The following KDM3A variants were observed in gnomAD, a reference collection of about 807,000 sequenced individuals.
The protein encoded by KDM3A is lysine demethylase 3A, also known as lysine-specific demethylase 3A.
In KDM3A, 60 loss-of-function variants were observed where a neutral mutation model predicts 158.0. The ratio of observed to expected loss-of-function variants is 0.38; its 90% confidence interval spans 0.31 to 0.47. KDM3A has a LOEUF of 0.47. Among genes scored for constraint, KDM3A ranks in the 20% least tolerant of loss-of-function variants. The probability of loss-of-function intolerance (pLI) is 0.99; values close to 1 mark genes in which losing one functional copy is unlikely to be tolerated. For missense variants in KDM3A, 1,319 were observed against 1,574.3 expected (o/e 0.84, Z 2.74); for synonymous variants, 608 against 549.3 (o/e 1.11, Z -1.49).
At chr2:86,474,661 C>A in intron 11 of KDM3A, 115 bp from the exon 12 acceptor site, 1 of 676,930 alleles carries the variant, frequency 1.5e-6, no homozygotes. Context: ...GAGACTCCAT[C>A]CCAAAAAAAA....
chr2:86,456,861 T>C lies in KDM3A; in HGVS notation c.738T>C (p.Asp246=), dbSNP rs752967332. ...TGATTCATGTTGAAGTTGTACACGA[T>C]AACCTTGTGACATGTGGTAAGATAT... is the stretch of plus-strand genomic sequence containing the variant. The part of the protein sequence containing the change: ...PSLIHVEVVH[D]NLVTCGNSAR... The change falls in exon 7 of 26, where the codon GAT becomes GAC. Residue 246 remains aspartate (D), a synonymous_variant. Transcript: ENST00000312912. 17 of 1,611,408 alleles carry C rather than the reference T, an allele frequency of 1.1e-5. No homozygotes were observed. The highest frequency in any genetic ancestry group is 3.3e-5 in the South Asian group (3 of 90,956).
At chr2:86,488,715 G>A (rs1171005882) in intron 21 of KDM3A, 1 of 152,798 alleles carries the variant, frequency 6.5e-6, no homozygotes, top group African/African-American at 2.4e-5. Context: ...TGTTACAATG[G>A]GTTGCCCAAA....
In KDM3A at chr2:86,454,100, A is replaced by C. The variant is rs1672586703; in HGVS notation, c.454-985A>C. Among the ~76,000 whole-genome samples the C allele has an allele frequency of 7.2e-5, 11 of 152,200 alleles. No individual in the cohort carries two copies. In the South Asian group the frequency reaches 2.3e-3, roughly 31 times the overall value. On this transcript the variant is annotated intron_variant, in intron 4 of 25. Transcript: ENST00000312912. ...CTGGCTTACTCTGACGCCTTAGGCT[A>C]TTCATTCAGATTTTCTGTTTGTCCC...
chr2:86,458,220 A>G (rs1387821741), intron 8 of KDM3A, among the ~76,000 whole-genome samples: 1 of 152,130 alleles, frequency 6.6e-6, no homozygotes, highest in Non-Finnish European at 1.5e-5. Context: ...CCACACAAAC[A>G]CTTGAGTCTG....
At chr2:86,443,559 T>G (rs1010506349) in intron 2 of KDM3A, 5 of 152,168 alleles carry the variant, frequency 3.3e-5, no homozygotes, top group African/African-American at 9.7e-5. Context: ...TGCCCCCATT[T>G]TATGGATGAA....
intron 8 of KDM3A, among the ~76,000 whole-genome samples, chr2:86,462,227 G>T (rs1189968221): frequency 1.3e-5 from 2 of 151,646 alleles, no homozygotes; most frequent in African/African-American, 2.4e-5. Context: ...TGAGCGGCTT[G>T]ATTTTATACA....
At chr2:86,474,214 C>A (rs1043331258) in intron 11 of KDM3A, among the ~76,000 whole-genome samples, 1 of 152,166 alleles carries the variant, frequency 6.6e-6, no homozygotes, top group Non-Finnish European at 1.5e-5. Context: ...ATATACCTCT[C>A]TCCCCTTCTC....
intron 21 of KDM3A, chr2:86,487,724 T>C (rs770400960): frequency 2.6e-5 from 4 of 152,284 alleles, no homozygotes; most frequent in African/African-American, 9.7e-5. Flanking sequence ...GTGTTTTGTT[T>C]CAGGATGTTT....
At chr2:86,482,206 C>G in intron 17 of KDM3A, 104 bp downstream of exon 17, 3 of 1,333,490 alleles carry the variant, frequency 2.2e-6, no homozygotes, top group Non-Finnish European at 3.2e-6. Flanking sequence ...GAATCACATA[C>G]TTACCTTTGT....
chr2:86,457,714 G>A (rs1004942208), intron 8 of KDM3A, among the ~76,000 whole-genome samples: 4 of 152,262 alleles, frequency 2.6e-5, no homozygotes, highest in African/African-American at 9.6e-5. Context: ...AGTAGTTTGG[G>A]TGTTGAAATA....
chr2:86,466,247 CAT>C (rs1466783421), intron 9 of KDM3A, 123 bp from the exon 10 acceptor site: 6 of 952,680 alleles, frequency 6.3e-6, no homozygotes, highest in East Asian at 2.4e-5. Context: ...AATTCTGTAA[CAT>C]ATGAGAAATT....
chr2:86,457,390 T>C (rs555595880), intron 8 of KDM3A, among the ~76,000 whole-genome samples: 14 of 152,192 alleles, frequency 9.2e-5, no homozygotes, highest in African/African-American at 3.4e-4. Context: ...CCGCCTCAGC[T>C]TCCCAAACTG....
Position 86,481,993 on chromosome 2 carries a change from T to C in KDM3A, c.2576T>C (p.Leu859Ser). The change falls in exon 17 of 26, where the codon TTA (leucine) becomes TCA (serine). Residue 859 changes from leucine to serine, a missense_variant. Physicochemically the swap from Leu to Ser is moderately radical, Grantham distance 145. Around this residue, in one of 4 missense-constraint regions of KDM3A, gnomAD observed 368 missense variants for 415.8 expected, o/e 0.89. Coordinates refer to ENST00000312912, the MANE Select transcript of KDM3A (RefSeq NM_018433.6). ...EIKCLPPLPP[L>S]SKSSTVLHTF... Reference sequence around the variant, plus strand: ...AAATGCCTTCCACCCCTCCCACCTTTAAGCAAATCCAGCACAGTCCTCCAT... The same window carrying C: ...AAATGCCTTCCACCCCTCCCACCTTCAAGCAAATCCAGCACAGTCCTCCAT... 6.2e-7 allele frequency: 1 copy of C among 1,614,098 alleles called. No homozygotes were observed. The highest frequency in any genetic ancestry group is 8.5e-7 in the Non-Finnish European group (1 of 1,179,960).
chr2:86,438,878 T>C (rs1398326879), upstream of KDM3A, among the ~76,000 whole-genome samples: 1 of 152,078 alleles, frequency 6.6e-6, no homozygotes, highest in African/African-American at 2.4e-5. Flanking sequence ...TAACTATTTT[T>C]ATTGGAACAT....
In KDM3A at chr2:86,492,206, C is replaced by A; in HGVS notation, c.*87C>A. 1 of 958,536 alleles carries A rather than the reference C, an allele frequency of 1.0e-6. No individual in the cohort carries two copies. The highest frequency in any genetic ancestry group is 1.4e-5 in the South Asian group (1 of 72,192). The allele number at this position is 958,536 out of a possible 1,614,324, so 59.4% of individuals were successfully genotyped here. On this transcript the variant is annotated 3_prime_UTR_variant, in exon 26 of 26. Coordinates refer to ENST00000312912, the MANE Select transcript of KDM3A (RefSeq NM_018433.6). Reference sequence around the variant, plus strand: ...GTGGACTTTGAGATTCATGTTACCTCATCTTCTTTTTTAAACTGTACCCAA... The same window carrying A: ...GTGGACTTTGAGATTCATGTTACCTAATCTTCTTTTTTAAACTGTACCCAA...
upstream of KDM3A, chr2:86,440,703 A>C (rs1558597843): frequency 6.6e-6 from 1 of 152,104 alleles, no homozygotes; most frequent in Non-Finnish European, 1.5e-5. Context: ...CGGACTTTAG[A>C]CGTTCCACGA....
chr2:86,480,001 A>C, intron 15 of KDM3A, 166 bp from the exon 16 acceptor site: 1 of 613,196 alleles, frequency 1.6e-6, no homozygotes, highest in Admixed American at 2.9e-5. Context: ...GTTATTCTCT[A>C]CTAGTGCGGG....
At chr2:86,471,387 GTA>G (rs936730611) in intron 11 of KDM3A, among the ~76,000 whole-genome samples, 11 of 150,918 alleles carry the variant, frequency 7.3e-5, no homozygotes, top group African/African-American at 1.2e-4. Context: ...ATATATGTGT[GTA>G]TATATATATA....
rs749171626 is a variant in KDM3A at position 86,480,380 on chromosome 2, T to TCG, written c.2512+18_2512+19insCG. The TCG allele has an allele frequency of 1.0e-5, 16 of 1,601,492 alleles. No homozygotes were observed. The highest frequency in any genetic ancestry group is 1.7e-5 in the Admixed American group (1 of 58,974). ...AAACAAGGGTGAGTGTTTCCTGCTTTTGTGTTTGTTCTTGAGTATTTTAGT... is the reference window on the plus strand; with the variant it reads ...AAACAAGGGTGAGTGTTTCCTGCTTTCGTGTGTTTGTTCTTGAGTATTTTAGT... On this transcript the variant is annotated intron_variant, in intron 16 of 25. Coordinates refer to ENST00000312912, the MANE Select transcript of KDM3A (RefSeq NM_018433.6).
Sources: allele counts gnomAD v4.1 joint callset (sites outside exome capture counted in the v4.1 genomes callset), GRCh38; gene constraint gnomAD v4.1.1; regional missense constraint gnomAD v4.1.1; transcripts MANE v1.5; gene names NCBI Gene and HGNC (gene_info 2026-07-23, HGNC 2026-07-21).